Variants in CHRM2 observed in about 807,000 individuals in gnomAD.
The protein encoded by CHRM2 is muscarinic acetylcholine receptor M2.
A neutral mutation model predicts 25.0 loss-of-function variants in CHRM2; 8 were observed. The ratio of observed to expected loss-of-function variants is 0.32; its 90% CI spans 0.19 to 0.58. The LOEUF (loss-of-function observed/expected upper bound fraction) is 0.58, where lower values mean the gene tolerates loss of function less well. Among genes scored for constraint, CHRM2 ranks in the 20% least tolerant of loss-of-function variants. CHRM2 has a pLI of 0.88. For synonymous variants in CHRM2, 202 were observed against 205.7 expected (o/e 0.98, Z 0.15); for missense variants, 440 against 567.1 (o/e 0.78, Z 2.28).
chr7:137,008,152 G>A (rs1804572948), intron 3 of CHRM2, among the ~76,000 whole-genome samples: 1 of 151,982 alleles, frequency 6.6e-6, no homozygotes, highest in Non-Finnish European at 1.5e-5. Flanking sequence ...AATTAAAAAT[G>A]AATAAGCTTC....
intron 2 of CHRM2, chr7:136,906,804 G>A: frequency 6.6e-6 from 1 of 151,620 alleles, no homozygotes; most frequent in East Asian, 2.0e-4. Context: ...AGAAACCGGG[G>A]TTGGGGATGG....
chr7:136,991,892 C>G (rs1476245380), intron 2 of CHRM2, among the ~76,000 whole-genome samples: 1 of 152,094 alleles, frequency 6.6e-6, no homozygotes, highest in Non-Finnish European at 1.5e-5. Context: ...TTATTTTAAG[C>G]TGAAGGCCTT....
At chr7:136,974,827 T>C (rs1471981587) in intron 2 of CHRM2, among the ~76,000 whole-genome samples, 2 of 152,166 alleles carry the variant, frequency 1.3e-5, no homozygotes, top group African/African-American at 4.8e-5. Flanking sequence ...GAGTACAAGA[T>C]AAATGTGAGC....
At chr7:136,924,472 T>A (rs1317245811) in intron 2 of CHRM2, among the ~76,000 whole-genome samples, 1 of 151,890 alleles carries the variant, frequency 6.6e-6, no homozygotes. Flanking sequence ...TTTGGTTTTT[T>A]GTCTTTGTGA....
rs1303792494 is a variant in CHRM2, at chr7:136,938,626, C to T, written c.-124-53561C>T. 8.1e-6 allele frequency: 7 copies of T among 860,148 alleles called. 1 individual carries two copies. Among genetic ancestry groups the T allele is most frequent in the East Asian group, 4.9e-5 (2 of 40,540 alleles). The allele number at this position is 860,148 out of a possible 1,614,324, so 53.3% of individuals were successfully genotyped here. ...TGCTGCTGTCCACTCGGGAGAAGCTCGAGGAGCTCATGCGGGCACAGGGCC... is the reference window on the plus strand; with the variant it reads ...TGCTGCTGTCCACTCGGGAGAAGCTTGAGGAGCTCATGCGGGCACAGGGCC... On this transcript the variant is annotated intron_variant, in intron 2 of 3. Coordinates refer to ENST00000680005, the MANE Select transcript of CHRM2 (RefSeq NM_001006630.2).
chr7:136,962,804 C>T lies in CHRM2; in HGVS notation c.-124-29383C>T, dbSNP rs201143745. ...AGTACCCTCTGTACTACTGAAAAAC[C>T]GCCTCATTGTGACTCAGAGTTCACT... On this transcript the variant is annotated intron_variant, in intron 2 of 3. Transcript: ENST00000680005. 3.9e-5 allele frequency among the ~76,000 whole-genome samples: 6 copies of T among 152,158 alleles called. No homozygotes were observed. The East Asian group carries it at 5.8e-4, about 15-fold the overall frequency.
chr7:136,900,388 C>A (rs1797131132), intron 2 of CHRM2, among the ~76,000 whole-genome samples: 2 of 152,032 alleles, frequency 1.3e-5, no homozygotes, highest in Admixed American at 6.6e-5. Context: ...ACTGATTTTG[C>A]CCTGTTAGTA....
intron 2 of CHRM2, chr7:136,903,446 A>G (rs1474730272): frequency 3.9e-6 from 1 of 255,782 alleles, no homozygotes; most frequent in African/African-American, 2.3e-5. Context: ...ATATTGTTAG[A>G]GCTGGTGTCA....
chr7:136,990,501 C>T (rs559748256), intron 2 of CHRM2, among the ~76,000 whole-genome samples: 5 of 152,180 alleles, frequency 3.3e-5, no homozygotes, highest in Non-Finnish European at 4.4e-5. Flanking sequence ...CTGTCTCTCA[C>T]GTAACAATAT....
At chr7:137,000,700 A>C (rs904298740) in intron 3 of CHRM2, among the ~76,000 whole-genome samples, 1 of 151,260 alleles carries the variant, frequency 6.6e-6, no homozygotes, top group Non-Finnish European at 1.5e-5. Context: ...CTTTACCATC[A>C]CATTATAAAA....
intron 2 of CHRM2, among the ~76,000 whole-genome samples, chr7:136,958,441 G>A (rs941532514): frequency 1.4e-5 from 2 of 140,824 alleles, no homozygotes; most frequent in Non-Finnish European, 1.5e-5. Flanking sequence ...TGAAGAAGCA[G>A]TGTCATCTTT....
intron 2 of CHRM2, chr7:136,903,307 C>T (rs1287965826): frequency 1.9e-6 from 1 of 523,718 alleles, no homozygotes; most frequent in Admixed American, 2.0e-5. Flanking sequence ...TCCATCTTCC[C>T]AAGAACTAAA....
intron 2 of CHRM2, among the ~76,000 whole-genome samples, chr7:136,951,729 C>A (rs893612422): frequency 6.6e-6 from 1 of 152,140 alleles, no homozygotes; most frequent in African/African-American, 2.4e-5. Context: ...CTCCTTCCCA[C>A]CCTCCACATT....
In CHRM2 at chr7:136,949,459, T is replaced by TAAAAAAAAAAAAAAAAA. The variant is rs386411435; in HGVS notation, c.-124-42725_-124-42709dup. On this transcript the variant is annotated intron_variant, in intron 2 of 3. Transcript: ENST00000680005. The stretch of plus-strand genomic sequence containing the variant: ...TAACAAGACCCTGTCTCTGCAAAAC[T>TAAAAAAAAAAAAAAAAA]AAAAAAAAAAAAAAAAAAATCAGCC... 1.5e-4 allele frequency among the ~76,000 whole-genome samples: 18 copies of TAAAAAAAAAAAAAAAAA among 120,852 alleles called. 2 individuals are homozygous for TAAAAAAAAAAAAAAAAA. Among genetic ancestry groups the TAAAAAAAAAAAAAAAAA allele is most frequent in the African/African-American group, 5.9e-4 (18 of 30,264 alleles). The allele number at this position is 120,852 out of a possible 152,430, so 79.3% of individuals were successfully genotyped here. A position where few individuals can be genotyped will look rare whatever the true frequency, so the allele number is the denominator to read the frequency against.
rs767527482 is a variant in CHRM2, at chr7:137,015,827, A to C, written c.962A>C (p.Lys321Thr). The C allele has an allele frequency of 6.2e-7, 1 of 1,613,074 alleles. No homozygotes were observed. Among genetic ancestry groups the C allele is most frequent in the East Asian group, 2.2e-5 (1 of 44,762 alleles). The stretch of plus-strand genomic sequence containing the variant: ...GGCCATTCCAAAGATGAGAACTCTA[A>C]GCAAACATGCATCAGAATTGGCACC... ...SLGHSKDENSKQTCIRIGTKT... is the reference protein window; with the variant it reads ...SLGHSKDENSTQTCIRIGTKT... Residue 321 changes from lysine (K) to threonine (T), a missense_variant, in exon 4 of 4, where the codon AAG (lysine) becomes ACG (threonine). This residue lies in a region of CHRM2 where 261 missense variants were observed against 261.8 expected (regional missense o/e 1.00). Transcript: ENST00000680005. The surrounding 1 kb of genome is among the most constrained non-coding windows in gnomAD (Gnocchi z 5.1).
intron 2 of CHRM2, chr7:136,898,761 G>A (rs1797043050): frequency 6.6e-6 from 1 of 151,946 alleles, no homozygotes; most frequent in Non-Finnish European, 1.5e-5. Flanking sequence ...TGCTATAATG[G>A]CCACACAAAG....
intron 2 of CHRM2, among the ~76,000 whole-genome samples, chr7:136,940,310 C>T (rs1401095695): frequency 1.3e-5 from 2 of 152,184 alleles, no homozygotes; most frequent in Non-Finnish European, 2.9e-5. Flanking sequence ...TGAAGCAGTA[C>T]AGTATACTCG....
chr7:137,014,875 T>A lies in CHRM2; in HGVS notation c.10T>A (p.Ser4Thr). 1 of 1,613,034 alleles carries A rather than the reference T, an allele frequency of 6.2e-7. No homozygotes were observed. The highest frequency in any genetic ancestry group is 8.5e-7 in the Non-Finnish European group (1 of 1,179,416). Residue 4 changes from serine (S) to threonine (T), a missense_variant, in exon 4 of 4, where the codon TCA becomes ACA. Ser to Thr is a moderately conservative substitution (Grantham distance 58). Coordinates refer to ENST00000680005, the MANE Select transcript of CHRM2 (RefSeq NM_001006630.2). Reference sequence around the variant, plus strand: ...GATTAGAGAACGCAAAATGAATAACTCAACAAACTCCTCTAACAATAGCCT... The same window carrying A: ...GATTAGAGAACGCAAAATGAATAACACAACAAACTCCTCTAACAATAGCCT... MNN[S>T]TNSSNNSLAL...
chr7:136,883,423 C>A (rs896036682), intron 2 of CHRM2, among the ~76,000 whole-genome samples: 2 of 152,080 alleles, frequency 1.3e-5, no homozygotes, highest in Admixed American at 6.6e-5. Flanking sequence ...ATCATCTAGT[C>A]TGATGCCTTT....
Sources: gnomAD v4.1 joint callset for allele counts (sites outside exome capture counted in the v4.1 genomes callset) on GRCh38, gnomAD v4.1.1 for gene constraint, gnomAD v4.1.1 regional missense constraint, Gnocchi (gnomAD v3.1) non-coding constraint, MANE v1.5 for transcripts, NCBI Gene and HGNC (gene_info 2026-07-23, HGNC 2026-07-21) for gene names.